Variants in FHIP1A observed in about 807,000 individuals in gnomAD.
FHIP1A encodes the protein FHF complex subunit HOOK interacting protein 1A, also known as FHF complex subunit HOOK-interacting protein 1A.
Under a neutral mutation model 88.6 loss-of-function variants are expected in FHIP1A, and 61 were observed. The observed-to-expected ratio is 0.69, with a 90% confidence interval of 0.56 to 0.85. The LOEUF is 0.85. FHIP1A is among the 40% of genes least tolerant of loss of function. FHIP1A has a pLI of 0.00. For synonymous variants in FHIP1A, 478 were observed against 496.0 expected, an observed-to-expected ratio of 0.96 and a Z score of 0.48; for missense variants, 1,154 against 1,273.5, an observed-to-expected ratio of 0.91 and a Z score of 1.43.
At chr4:151,538,245 C>T (rs1732144104) in intron 3 of FHIP1A, among the ~76,000 whole-genome samples, 1 of 152,136 alleles carries the variant, frequency 6.6e-6, no homozygotes, top group Non-Finnish European at 1.5e-5. Context: ...CTTAATCTCT[C>T]CTTTCATCAA....
intron 4 of FHIP1A, among the ~76,000 whole-genome samples, chr4:151,566,782 A>G (rs1733404675): frequency 6.6e-6 from 1 of 152,182 alleles, no homozygotes; most frequent in Non-Finnish European, 1.5e-5. Flanking sequence ...GAGTACTTCA[A>G]ATGCCTTATG....
chr4:151,497,256 TA>T (rs1730496682), intron 3 of FHIP1A, among the ~76,000 whole-genome samples: 1 of 152,220 alleles, frequency 6.6e-6, no homozygotes, highest in African/African-American at 2.4e-5. Flanking sequence ...ATTATGCTTT[TA>T]AATAAATCCA....
intron 2 of FHIP1A, among the ~76,000 whole-genome samples, chr4:151,472,285 C>T (rs570467988): frequency 1.3e-5 from 2 of 152,134 alleles, no homozygotes; most frequent in South Asian, 2.1e-4. Context: ...TGGCTTTTAA[C>T]GTGTATTCAG....
intron 3 of FHIP1A, among the ~76,000 whole-genome samples, chr4:151,510,064 C>G (rs185768300): frequency 6.6e-6 from 1 of 152,162 alleles, no homozygotes; most frequent in Admixed American, 6.5e-5. Context: ...CTGCTTTTAG[C>G]TCCCTCACTT....
chr4:151,604,558 G>C (rs1242363117), intron 7 of FHIP1A, among the ~76,000 whole-genome samples: 2 of 152,084 alleles, frequency 1.3e-5, no homozygotes, highest in Non-Finnish European at 2.9e-5. Context: ...ATTTAAAAAT[G>C]AATTTTTGGG....
chr4:151,511,688 A>G (rs1295401021), intron 3 of FHIP1A, among the ~76,000 whole-genome samples: 5 of 152,204 alleles, frequency 3.3e-5, no homozygotes, highest in African/African-American at 1.2e-4. Context: ...GATTGCTAGC[A>G]CAGCAGTCTG....
intron 2 of FHIP1A, among the ~76,000 whole-genome samples, chr4:151,466,710 G>T (rs1370086420): frequency 6.6e-6 from 1 of 152,118 alleles, no homozygotes; most frequent in Non-Finnish European, 1.5e-5. Context: ...TGACAAACCT[G>T]ACTAAAACAA....
intron 3 of FHIP1A, among the ~76,000 whole-genome samples, chr4:151,562,443 C>G (rs1733209242): frequency 6.6e-6 from 1 of 152,148 alleles, no homozygotes; most frequent in Non-Finnish European, 1.5e-5. Context: ...TTTGCTCCAT[C>G]AAAAATCTTT....
At chr4:151,551,631 A>G (rs1732738148) in intron 3 of FHIP1A, among the ~76,000 whole-genome samples, 1 of 152,210 alleles carries the variant, frequency 6.6e-6, no homozygotes, top group Admixed American at 6.5e-5. Flanking sequence ...GGCTAGCCAT[A>G]TGTAGACAGC....
chr4:151,434,653 C>T (rs987992265), intron 1 of FHIP1A, among the ~76,000 whole-genome samples: 10 of 152,054 alleles, frequency 6.6e-5, no homozygotes, highest in African/African-American at 2.2e-4. Flanking sequence ...TACCAGTTGG[C>T]TCATTTGGAA....
chr4:151,558,721 T>G (rs1026266700), intron 3 of FHIP1A, among the ~76,000 whole-genome samples: 1 of 152,198 alleles, frequency 6.6e-6, no homozygotes, highest in East Asian at 1.9e-4. Flanking sequence ...TAGAAAAAAT[T>G]GTTGAGAACC....
chr4:151,423,689 A>G (rs1187196927), intron 1 of FHIP1A, among the ~76,000 whole-genome samples: 2 of 152,228 alleles, frequency 1.3e-5, no homozygotes, highest in African/African-American at 4.8e-5. Flanking sequence ...ATTGCTACCT[A>G]TGCACTGAAG....
chr4:151,626,472 G>A (rs1276834742), intron 7 of FHIP1A, among the ~76,000 whole-genome samples: 6 of 152,212 alleles, frequency 3.9e-5, no homozygotes, highest in Non-Finnish European at 7.3e-5. Context: ...TAGTGCTTAA[G>A]CAGAGACATT....
At chr4:151,492,793 A>G (rs1376945356) in intron 3 of FHIP1A, among the ~76,000 whole-genome samples, 1 of 152,168 alleles carries the variant, frequency 6.6e-6, no homozygotes, top group Non-Finnish European at 1.5e-5. Flanking sequence ...CTGAATGATA[A>G]TAGTGACAAC....
intron 1 of FHIP1A, among the ~76,000 whole-genome samples, chr4:151,410,764 T>C (rs915824186): frequency 2.0e-5 from 3 of 152,262 alleles, no homozygotes; most frequent in African/African-American, 7.2e-5. Context: ...ATTTACTCTT[T>C]AATACAGTAT....
At chr4:151,468,929 C>G (rs987283980) in intron 2 of FHIP1A, among the ~76,000 whole-genome samples, 4 of 152,142 alleles carry the variant, frequency 2.6e-5, no homozygotes, top group Non-Finnish European at 5.9e-5. Flanking sequence ...TTATGATTCA[C>G]TAGGCAGTTA....
At chr4:151,492,520 C>T (rs959802345) in intron 3 of FHIP1A, among the ~76,000 whole-genome samples, 7 of 148,920 alleles carry the variant, frequency 4.7e-5, no homozygotes, top group East Asian at 2.0e-4. Flanking sequence ...TGAATCTGGG[C>T]GGCATAGGTT....
chr4:151,413,010 G>C (rs561273847), intron 1 of FHIP1A, among the ~76,000 whole-genome samples: 1 of 152,094 alleles, frequency 6.6e-6, no homozygotes, highest in African/African-American at 2.4e-5. Flanking sequence ...ACCAAAATAT[G>C]AGCTCATGTG....
At chr4:151,469,683 A>T (rs1729443334) in intron 2 of FHIP1A, among the ~76,000 whole-genome samples, 1 of 152,226 alleles carries the variant, frequency 6.6e-6, no homozygotes, top group Non-Finnish European at 1.5e-5. Flanking sequence ...GGATAATTTT[A>T]AAATTGTGGA....
Sources: gnomAD v4.1 joint callset for allele counts (sites outside exome capture counted in the v4.1 genomes callset) on GRCh38, gnomAD v4.1.1 for gene constraint, MANE v1.5 for transcripts, NCBI Gene and HGNC (gene_info 2026-07-23, HGNC 2026-07-21) for gene names.